CWF19L2: variants seen among roughly 807,000 people sequenced by gnomAD.
The protein encoded by CWF19L2 is CWF19 like cell cycle control factor 2.
Under a neutral mutation model 111.7 loss-of-function variants are expected in CWF19L2, and 98 were observed. The ratio of observed to expected loss-of-function variants is 0.88; its 90% CI spans 0.75 to 1.04. CWF19L2 has a LOEUF of 1.04. Among genes scored for constraint, CWF19L2 ranks in the 50% least tolerant of loss-of-function variants. The probability of loss-of-function intolerance (pLI) is 0.00; values close to 1 mark genes in which losing one functional copy is unlikely to be tolerated. For synonymous variants in CWF19L2, 351 were observed against 342.9 expected (o/e 1.02, Z -0.26); for missense variants, 1,101 against 1,051.4 (o/e 1.05, Z -0.65).
At chr11:107,355,418 A>G (rs1591158924) in intron 12 of CWF19L2, among the ~76,000 whole-genome samples, 1 of 30,918 alleles carries the variant, frequency 3.2e-5, no homozygotes, top group Admixed American at 2.8e-4. Context: ...TCCGTCTCAA[A>G]AAAAAAAAAA....
chr11:107,336,075 G>C (rs1859919139), intron 15 of CWF19L2, among the ~76,000 whole-genome samples: 2 of 152,006 alleles, frequency 1.3e-5, no homozygotes, highest in African/African-American at 4.8e-5. Context: ...CAAAAAATTA[G>C]CTGGGCGTAG....
At chr11:107,434,451 C>T (rs1270212077) in intron 6 of CWF19L2, among the ~76,000 whole-genome samples, 1 of 151,886 alleles carries the variant, frequency 6.6e-6, no homozygotes, top group Admixed American at 6.6e-5. Context: ...AAATTCTGTT[C>T]CTGATTTTCC....
chr11:107,404,192 T>A, intron 10 of CWF19L2: 1 of 776,658 alleles, frequency 1.3e-6, no homozygotes, highest in South Asian at 1.3e-5. Context: ...GTGGGGGAAT[T>A]ATGATAGACC....
At chr11:107,361,648 C>A (rs1368160427) in intron 12 of CWF19L2, among the ~76,000 whole-genome samples, 1 of 152,204 alleles carries the variant, frequency 6.6e-6, no homozygotes, top group Non-Finnish European at 1.5e-5. Context: ...TCTACGATTT[C>A]TTTCACAGGT....
chr11:107,367,787 G>A (rs185215540), intron 12 of CWF19L2, among the ~76,000 whole-genome samples: 1 of 133,418 alleles, frequency 7.5e-6, no homozygotes, highest in African/African-American at 3.0e-5. Context: ...TGTAACTAAC[G>A]TGCACAATGT....
At chr11:107,394,237 C>T (rs902094807) in intron 10 of CWF19L2, among the ~76,000 whole-genome samples, 1 of 152,044 alleles carries the variant, frequency 6.6e-6, no homozygotes, top group Non-Finnish European at 1.5e-5. Context: ...CATTCACACA[C>T]AATACTAAAT....
intron 10 of CWF19L2, among the ~76,000 whole-genome samples, chr11:107,407,681 G>GT (rs1861099807): frequency 6.6e-6 from 1 of 151,998 alleles, no homozygotes; most frequent in African/African-American, 2.4e-5. Context: ...TGTGGCTTCA[G>GT]TATCTGTTAC....
intron 8 of CWF19L2, among the ~76,000 whole-genome samples, chr11:107,427,713 G>C (rs1369653948): frequency 1.3e-5 from 2 of 152,070 alleles, no homozygotes; most frequent in Non-Finnish European, 2.9e-5. Context: ...GTGAAGACTG[G>C]ACAATTACAT....
chr11:107,434,534 A>G (rs1371243092), intron 6 of CWF19L2, among the ~76,000 whole-genome samples: 1 of 152,072 alleles, frequency 6.6e-6, no homozygotes, highest in Non-Finnish European at 1.5e-5. Flanking sequence ...CATTAACCCC[A>G]AGACATATAC....
chr11:107,450,942 T>A (rs528049172), intron 3 of CWF19L2, among the ~76,000 whole-genome samples: 22 of 152,274 alleles, frequency 1.4e-4, no homozygotes, highest in African/African-American at 5.3e-4. Flanking sequence ...AGTAACTGAC[T>A]GAACAGGTGA....
chr11:107,390,021 C>G (rs1860824601), intron 12 of CWF19L2, 53 bp downstream of exon 12: 3 of 1,500,664 alleles, frequency 2.0e-6, no homozygotes, highest in Non-Finnish European at 2.8e-6. Flanking sequence ...ATCACTGTTA[C>G]ACTGAATAAT....
chr11:107,398,641 C>T lies in CWF19L2; in HGVS notation c.1618-5746G>A, dbSNP rs536348668. ...AATAATCAAGGAAAACTTTCCCAGCCTTGTGAGAGACGTAGACAGCCAAAT... is the reference window on the plus strand; with the variant it reads ...AATAATCAAGGAAAACTTTCCCAGCTTTGTGAGAGACGTAGACAGCCAAAT... On this transcript the variant is annotated intron_variant, in intron 10 of 17. Transcript: ENST00000282251. Among the ~76,000 whole-genome samples the T allele has an allele frequency of 8.5e-5, 13 of 152,298 alleles. No individual in the cohort carries two copies. In the South Asian group the frequency reaches 2.7e-3, roughly 32 times the overall value.
At chr11:107,438,662 T>G (rs1009680696) in intron 6 of CWF19L2, among the ~76,000 whole-genome samples, 1 of 152,180 alleles carries the variant, frequency 6.6e-6, no homozygotes. Flanking sequence ...TCCATAGTAC[T>G]AATAATTTAA....
At chr11:107,418,071 A>C in intron 9 of CWF19L2, 123 bp downstream of exon 9, 1 of 690,850 alleles carries the variant, frequency 1.4e-6, no homozygotes, top group Non-Finnish European at 2.6e-6. Flanking sequence ...TCTTTAAGGA[A>C]TCAATAACCA....
intron 12 of CWF19L2, among the ~76,000 whole-genome samples, chr11:107,358,187 T>C (rs1008750639): frequency 2.0e-5 from 3 of 152,092 alleles, no homozygotes; most frequent in Admixed American, 2.0e-4. Flanking sequence ...AGTCTGGTAG[T>C]TCCTCAAACA....
intron 12 of CWF19L2, among the ~76,000 whole-genome samples, chr11:107,378,336 T>C (rs368833604): frequency 0.23 from 34,475 of 149,386 alleles, 3,956 homozygotes; most frequent in Non-Finnish European, 0.28. Context: ...ATTGCGGCAC[T>C]ATTCACAATA....
intron 12 of CWF19L2, among the ~76,000 whole-genome samples, chr11:107,374,842 C>G (rs1860573843): frequency 1.3e-5 from 2 of 151,820 alleles, no homozygotes; most frequent in African/African-American, 4.8e-5. Flanking sequence ...GATAAAGAGT[C>G]AAGAACCATC....
chr11:107,457,539 C>G (rs1010154074), intron 1 of CWF19L2, among the ~76,000 whole-genome samples, 173 bp downstream of exon 1: 15 of 152,134 alleles, frequency 9.9e-5, no homozygotes, highest in African/African-American at 3.4e-4. Flanking sequence ...GCCAGAACAT[C>G]TAAAAAATCG....
chr11:107,424,513 C>T (rs578205790), intron 8 of CWF19L2, among the ~76,000 whole-genome samples: 5 of 151,170 alleles, frequency 3.3e-5, no homozygotes, highest in Admixed American at 1.3e-4. Context: ...CCATCCAAAG[C>T]GCACATCTTT....
Sources: allele counts gnomAD v4.1 joint callset (sites outside exome capture counted in the v4.1 genomes callset), GRCh38; gene constraint gnomAD v4.1.1; transcripts MANE v1.5; gene names NCBI Gene and HGNC (gene_info 2026-07-23, HGNC 2026-07-21).